The following LRRC28 variants were observed in gnomAD, a reference collection of about 807,000 sequenced individuals.
LRRC28 encodes leucine rich repeat containing 28.
LRRC28 carries 39 observed loss-of-function variants against 45.7 expected under a neutral mutation model. That is an observed-to-expected ratio of 0.85 (90% confidence interval 0.66 to 1.12). The LOEUF is 1.12. Ranked by LOEUF, LRRC28 falls within the 50% of genes most tolerant of loss-of-function variation. The pLI is 0.00. For synonymous variants in LRRC28, 206 were observed against 178.8 expected, an observed-to-expected ratio of 1.15 and a Z score of -1.22; for missense variants, 435 against 438.5, an observed-to-expected ratio of 0.99 and a Z score of 0.07.
intron 7 of LRRC28, chr15:99,353,860 T>C (rs1364722197): frequency 6.6e-6 from 1 of 152,230 alleles, no homozygotes; most frequent in East Asian, 1.9e-4. Context: ...TATTGACTAC[T>C]AGAAAGTTCT....
In LRRC28 at chr15:99,363,135, C is replaced by A; in HGVS notation, c.901C>A (p.Pro301Thr). Residue 301 changes from proline to threonine, a missense_variant, in exon 9 of 10, where the codon CCC becomes ACC. Pro to Thr is a conservative substitution (Grantham distance 38). Coordinates refer to ENST00000301981, the MANE Select transcript of LRRC28 (RefSeq NM_144598.5). ...GAACTTTCTGTCTCCAATCTCATTACCCAGAAGTCTCCTAGAGCTGCTGCA... is the reference window on the plus strand; with the variant it reads ...GAACTTTCTGTCTCCAATCTCATTAACCAGAAGTCTCCTAGAGCTGCTGCA... ...DLNFLSPISLPRSLLELLHCP... is the reference protein window; with the variant it reads ...DLNFLSPISLTRSLLELLHCP... The A allele has an allele frequency of 6.2e-7, 1 of 1,613,212 alleles. No homozygotes were observed. Among genetic ancestry groups the A allele is most frequent in the Non-Finnish European group, 8.5e-7 (1 of 1,179,544 alleles).
intron 5 of LRRC28, chr15:99,320,860 A>G (rs529076331): frequency 3.9e-5 from 6 of 152,342 alleles, no homozygotes; most frequent in African/African-American, 1.4e-4. Flanking sequence ...ATCATTGTTA[A>G]TTCCTTCAGA....
chr15:99,365,689 A>G (rs1036545868), intron 9 of LRRC28, among the ~76,000 whole-genome samples: 6 of 152,246 alleles, frequency 3.9e-5, no homozygotes, highest in African/African-American at 1.4e-4. Flanking sequence ...ATATCAGCCA[A>G]TATCTAAATT....
chr15:99,363,385 C>A, intron 9 of LRRC28, 120 bp downstream of exon 9: 1 of 985,990 alleles, frequency 1.0e-6, no homozygotes, highest in East Asian at 2.6e-5. Context: ...AACATGCTTC[C>A]TGAGAAACAG....
chr15:99,271,585 C>A (rs1037632062), intron 2 of LRRC28, among the ~76,000 whole-genome samples: 1 of 151,662 alleles, frequency 6.6e-6, no homozygotes, highest in Non-Finnish European at 1.5e-5. Flanking sequence ...CCCTATTTTT[C>A]TTTTATTTAT....
At chr15:99,299,804 A>G (rs1462966820) in intron 5 of LRRC28, among the ~76,000 whole-genome samples, 1 of 152,176 alleles carries the variant, frequency 6.6e-6, no homozygotes, top group Non-Finnish European at 1.5e-5. Flanking sequence ...TTTTAAGCAG[A>G]TACCTTTTTT....
intron 5 of LRRC28, among the ~76,000 whole-genome samples, chr15:99,316,731 A>C (rs1198549988): frequency 2.4e-5 from 3 of 124,328 alleles, no homozygotes; most frequent in East Asian, 2.3e-4. Flanking sequence ...AAAAAAAAAA[A>C]AACTCTTTGA....
chr15:99,378,088 T>TG (rs1957699651), intron 9 of LRRC28, among the ~76,000 whole-genome samples: 1 of 152,196 alleles, frequency 6.6e-6, no homozygotes, highest in Non-Finnish European at 1.5e-5. Flanking sequence ...AGAAAGTCAT[T>TG]GGTAGCTTGA....
Position 99,380,423 on chromosome 15 carries a change from G to C in LRRC28, c.1032-5607G>C, listed in dbSNP as rs530110421. Among the ~76,000 whole-genome samples the C allele has an allele frequency of 2.8e-4, 42 of 152,206 alleles. 1 individual carries two copies. In the East Asian group the frequency reaches 6.2e-3, roughly 22 times the overall value. On this transcript the variant is annotated intron_variant, in intron 9 of 9. Coordinates refer to ENST00000301981, the MANE Select transcript of LRRC28 (RefSeq NM_144598.5). Reference sequence around the variant, plus strand: ...TCCTCCATCCCTTTATTTTGAGCCTGTGTGTGTCTCTGCACATGAGATGGG... The same window carrying C: ...TCCTCCATCCCTTTATTTTGAGCCTCTGTGTGTCTCTGCACATGAGATGGG...
chr15:99,357,487 C>G (rs1012181066), intron 7 of LRRC28, among the ~76,000 whole-genome samples: 1 of 152,180 alleles, frequency 6.6e-6, no homozygotes, highest in Non-Finnish European at 1.5e-5. Flanking sequence ...CCAGGCACAG[C>G]AACCTTCATG....
chr15:99,355,630 C>A (rs1957025147), intron 7 of LRRC28: 3 of 151,656 alleles, frequency 2.0e-5, no homozygotes, highest in Admixed American at 2.0e-4. Context: ...AGGTTCATCC[C>A]ATGTTAGAAT....
At chr15:99,301,717 C>G (rs571238634) in intron 5 of LRRC28, among the ~76,000 whole-genome samples, 5 of 152,250 alleles carry the variant, frequency 3.3e-5, no homozygotes, top group African/African-American at 1.2e-4. Flanking sequence ...TGAAAATTTG[C>G]TTCTGCTGCT....
chr15:99,285,587 G>T, intron 3 of LRRC28: 1 of 726,664 alleles, frequency 1.4e-6, no homozygotes, highest in Non-Finnish European at 2.4e-6. Context: ...GACGGCAGGG[G>T]GAGGAGAGAC....
chr15:99,271,985 C>G (rs2081494269), intron 2 of LRRC28, among the ~76,000 whole-genome samples: 1 of 152,112 alleles, frequency 6.6e-6, no homozygotes, highest in African/African-American at 2.4e-5. Context: ...GAGATTTACT[C>G]CTATGTTTTC....
chr15:99,347,358 C>CA (rs1956722347), intron 6 of LRRC28, among the ~76,000 whole-genome samples: 1 of 152,102 alleles, frequency 6.6e-6, no homozygotes, highest in Non-Finnish European at 1.5e-5. Flanking sequence ...TACAGGTGCC[C>CA]GCACCATGCC....
chr15:99,383,805 T>C (rs1250173379), intron 9 of LRRC28, among the ~76,000 whole-genome samples: 1 of 152,172 alleles, frequency 6.6e-6, no homozygotes, highest in Non-Finnish European at 1.5e-5. Flanking sequence ...CTGGGTCCTC[T>C]CTGCATTCCC....
At chr15:99,320,369 T>G (rs1464918673) in intron 5 of LRRC28, among the ~76,000 whole-genome samples, 1 of 152,160 alleles carries the variant, frequency 6.6e-6, no homozygotes, top group Non-Finnish European at 1.5e-5. Flanking sequence ...CCTCTTATAA[T>G]ATGGACAGTT....
At chr15:99,278,023 C>T (rs1342210070) in intron 3 of LRRC28, among the ~76,000 whole-genome samples, 2 of 152,042 alleles carry the variant, frequency 1.3e-5, no homozygotes, top group African/African-American at 4.8e-5. Context: ...AACTTTATAT[C>T]CTGGTATCTT....
intron 5 of LRRC28, among the ~76,000 whole-genome samples, chr15:99,293,703 G>A (rs2082195189): frequency 7.0e-6 from 1 of 141,938 alleles, no homozygotes; most frequent in South Asian, 2.3e-4. Flanking sequence ...AAGAGACACA[G>A]TCTTGCTGTG....
Sources: allele counts gnomAD v4.1 joint callset (sites outside exome capture counted in the v4.1 genomes callset), GRCh38; gene constraint gnomAD v4.1.1; transcripts MANE v1.5; gene names NCBI Gene and HGNC (gene_info 2026-07-23, HGNC 2026-07-21).